Variants in MED12L observed in about 807,000 individuals in gnomAD.
MED12L encodes the protein mediator of RNA polymerase II transcription subunit 12-like protein.
MED12L carries 60 observed loss-of-function variants against 281.3 expected under a neutral mutation model. That is an observed-to-expected ratio of 0.21 (90% confidence interval 0.17 to 0.26). MED12L has a LOEUF of 0.26. Ranked by LOEUF, MED12L falls within the 10% of genes least tolerant of loss-of-function variation. The probability of loss-of-function intolerance (pLI) is 1.00; values close to 1 mark genes in which losing one functional copy is unlikely to be tolerated. For synonymous variants in MED12L, 974 were observed against 987.2 expected, an observed-to-expected ratio of 0.99 and a Z score of 0.25; for missense variants, 2,146 against 2,680.9, an observed-to-expected ratio of 0.80 and a Z score of 4.41.
At chr3:151,289,219 A>G (rs890656238) in intron 16 of MED12L, among the ~76,000 whole-genome samples, 3 of 152,240 alleles carry the variant, frequency 2.0e-5, no homozygotes, top group East Asian at 1.9e-4. Flanking sequence ...ATTAACATCT[A>G]CAGGGAACGG....
chr3:151,353,759 T>G (rs1753540895), intron 17 of MED12L, among the ~76,000 whole-genome samples: 1 of 152,252 alleles, frequency 6.6e-6, no homozygotes. Context: ...ATCTGTAAAG[T>G]AACCTTTGTT....
In MED12L at chr3:151,357,493, G is replaced by T. The variant is rs140475650; in HGVS notation, c.2825+117G>T. 6.4e-5 allele frequency: 57 copies of T among 884,024 alleles called. 3 individuals are homozygous for T. Among genetic ancestry groups the T allele is most frequent in the Admixed American group, 4.7e-4 (15 of 31,654 alleles). 54.8% of individuals were successfully genotyped at this position (884,024 alleles called of 1,614,324 possible). ...CTGATACCTGTTTTAGTTAAAACAT[G>T]GTTAAAGAACACTCTTGCCAGAAAA... On this transcript the variant is annotated intron_variant, in intron 20 of 44. Coordinates refer to ENST00000687756, the MANE Select transcript of MED12L (RefSeq NM_001393769.1).
chr3:151,306,036 C>G (rs1746592663), intron 16 of MED12L, among the ~76,000 whole-genome samples: 1 of 152,174 alleles, frequency 6.6e-6, no homozygotes, highest in East Asian at 1.9e-4. Context: ...TGGGCCACCT[C>G]TTTCAGGAGC....
intron 39 of MED12L, among the ~76,000 whole-genome samples, chr3:151,406,574 CTGG>C (rs373976336): frequency 2.0e-5 from 3 of 152,180 alleles, no homozygotes; most frequent in African/African-American, 7.2e-5. Flanking sequence ...TTGGGACAAA[CTGG>C]TGGTCAGGAG....
Position 151,217,833 on chromosome 3 carries a change from G to A in MED12L, c.2250+24167G>A, listed in dbSNP as rs546931888. 3.1e-4 allele frequency among the ~76,000 whole-genome samples: 47 copies of A among 152,194 alleles called. 1 individual carries two copies. The South Asian group carries it at 9.6e-3, about 31-fold the overall frequency. ...AATGGTGAGAACATACTGTCTTACG[G>A]GTTCAAGTGTCTTAGAGCATGGCAG... is the stretch of plus-strand genomic sequence containing the variant. On this transcript the variant is annotated intron_variant, in intron 16 of 44. Transcript: ENST00000687756.
chr3:151,138,269 A>G (rs1252471732), intron 5 of MED12L, among the ~76,000 whole-genome samples: 1 of 151,934 alleles, frequency 6.6e-6, no homozygotes, highest in African/African-American at 2.4e-5. Flanking sequence ...TGGATGTACC[A>G]CAGTTTGGCC....
intron 16 of MED12L, chr3:151,199,259 T>C (rs558551250): frequency 1.2e-6 from 2 of 1,614,038 alleles, no homozygotes; most frequent in Non-Finnish European, 1.7e-6. Flanking sequence ...GTGATTCGTA[T>C]TCTTCTGTAT....
chr3:151,320,721 G>A (rs1318621763), intron 16 of MED12L, among the ~76,000 whole-genome samples: 1 of 152,150 alleles, frequency 6.6e-6, no homozygotes, highest in Non-Finnish European at 1.5e-5. Flanking sequence ...TCTGACTGTT[G>A]TCCTTTTACT....
chr3:151,287,487 G>C (rs945637205), intron 16 of MED12L, among the ~76,000 whole-genome samples: 1 of 152,094 alleles, frequency 6.6e-6, no homozygotes, highest in Non-Finnish European at 1.5e-5. Context: ...CAGGGGCCTG[G>C]GTATATGATG....
At chr3:151,260,654 A>C (rs62282988) in intron 16 of MED12L, among the ~76,000 whole-genome samples, 38,862 of 152,052 alleles carry the variant, frequency 0.26, 5,295 homozygotes, top group South Asian at 0.3. Context: ...CCTGGCCCTA[A>C]AGCTGGTTTT....
intron 25 of MED12L, among the ~76,000 whole-genome samples, chr3:151,369,024 G>T (rs144800099): frequency 0.024 from 3,598 of 152,136 alleles, 133 homozygotes; most frequent in African/African-American, 0.082. Flanking sequence ...GCCTCCCAAA[G>T]TGCTGGGATT....
intron 16 of MED12L, among the ~76,000 whole-genome samples, chr3:151,232,405 C>T (rs185855296): frequency 6.6e-6 from 1 of 152,296 alleles, no homozygotes; most frequent in Admixed American, 6.5e-5. Flanking sequence ...GAAAACAGAA[C>T]TACCATTTGA....
At chr3:151,105,986 C>T (rs750968574) in intron 2 of MED12L, among the ~76,000 whole-genome samples, 2 of 152,170 alleles carry the variant, frequency 1.3e-5, no homozygotes, top group Non-Finnish European at 2.9e-5. Context: ...CAACGTAAAT[C>T]CTGTTGGGTT....
intron 26 of MED12L, 135 bp downstream of exon 26, chr3:151,369,684 A>AG: frequency 1.7e-6 from 1 of 572,672 alleles, no homozygotes; most frequent in East Asian, 3.0e-5. Flanking sequence ...TGGAAAAATT[A>AG]GTGGTTTCTC....
At chr3:151,157,292 A>G (rs1314785867) in intron 6 of MED12L, among the ~76,000 whole-genome samples, 1 of 152,062 alleles carries the variant, frequency 6.6e-6, no homozygotes, top group African/African-American at 2.4e-5. Flanking sequence ...TAATCGAAAT[A>G]GTAATGTTAA....
intron 7 of MED12L, 64 bp downstream of exon 7, chr3:151,158,863 A>G: frequency 9.3e-7 from 1 of 1,078,236 alleles, no homozygotes; most frequent in South Asian, 1.4e-5. Context: ...GATAAGAATG[A>G]TTAGGTAAGT....
intron 20 of MED12L, among the ~76,000 whole-genome samples, chr3:151,358,173 C>T (rs1193493373): frequency 6.6e-6 from 1 of 152,058 alleles, no homozygotes; most frequent in Non-Finnish European, 1.5e-5. Context: ...ATCAATTTAA[C>T]AGTAGCTATT....
chr3:151,253,386 A>T (rs558941428), intron 16 of MED12L, among the ~76,000 whole-genome samples: 1 of 152,174 alleles, frequency 6.6e-6, no homozygotes, highest in Non-Finnish European at 1.5e-5. Context: ...TAAGATACAC[A>T]TTTTAATATG....
At chr3:151,101,272 A>T (rs183031924) in intron 2 of MED12L, among the ~76,000 whole-genome samples, 37 of 152,366 alleles carry the variant, frequency 2.4e-4, no homozygotes, top group Admixed American at 1.5e-3. Flanking sequence ...ACATGACATT[A>T]TAATAGCCAC....
Sources: gnomAD v4.1 joint callset for allele counts (sites outside exome capture counted in the v4.1 genomes callset) on GRCh38, gnomAD v4.1.1 for gene constraint, MANE v1.5 for transcripts, NCBI Gene and HGNC (gene_info 2026-07-23, HGNC 2026-07-21) for gene names.